Variants in NUMBL observed in about 807,000 individuals in gnomAD.
NUMBL encodes NUMB like endocytic adaptor protein.
Under a neutral mutation model 48.9 loss-of-function variants are expected in NUMBL, and 20 were observed. The ratio of observed to expected loss-of-function variants is 0.41; its 90% CI spans 0.29 to 0.59. The LOEUF is 0.59. Among genes scored for constraint, NUMBL ranks in the 20% least tolerant of loss-of-function variants. The probability of loss-of-function intolerance (pLI) is 0.31; values close to 1 mark genes in which losing one functional copy is unlikely to be tolerated. For missense variants in NUMBL, 660 were observed against 846.2 expected, an observed-to-expected ratio of 0.78 and a Z score of 2.73; for synonymous variants, 340 against 348.7, an observed-to-expected ratio of 0.98 and a Z score of 0.28.
intron 9 of NUMBL, among the ~76,000 whole-genome samples, chr19:40,669,634 G>T (rs368643291): frequency 6.9e-6 from 1 of 144,704 alleles, no homozygotes; most frequent in East Asian, 2.0e-4. Flanking sequence ...AGGTAATCCC[G>T]TGGCTCTAAG....
At chr19:40,685,510 T>C (rs533387093) in intron 2 of NUMBL, 1 of 154,024 alleles carries the variant, frequency 6.5e-6, no homozygotes, top group East Asian at 1.9e-4. Context: ...GTGGTTGTTG[T>C]CTGTGAGTCT....
In NUMBL at chr19:40,687,328, A is replaced by C. The variant is rs1353912252; in HGVS notation, c.25-333T>G. ...CCAACTCATATCTACAGGTGTCCCT[A>C]GCATCTGGCCACAGCTTTACACACT... is the stretch of plus-strand genomic sequence containing the variant. On this transcript the variant is annotated intron_variant, in intron 1 of 9. Coordinates refer to ENST00000252891, the MANE Select transcript of NUMBL (RefSeq NM_004756.5). The surrounding 1 kb of genome is among the most constrained non-coding windows in gnomAD (Gnocchi z 4.6). 6.6e-6 allele frequency among the ~76,000 whole-genome samples: 1 copy of C among 152,164 alleles called. No homozygotes were observed. The highest frequency in any genetic ancestry group is 1.5e-5 in the Non-Finnish European group (1 of 68,022).
In NUMBL at chr19:40,673,653, G is replaced by A. The variant is rs564403838; in HGVS notation, c.731-4C>T. ...GTGGGGGCAGCTGCTGCCTCTGCTGGAGACATGGGGGAGATGGATGGTTAG... is the reference window on the plus strand; with the variant it reads ...GTGGGGGCAGCTGCTGCCTCTGCTGAAGACATGGGGGAGATGGATGGTTAG... On this transcript the variant is annotated splice_polypyrimidine_tract_variant and splice_region_variant and intron_variant, in intron 7 of 9. Transcript: ENST00000252891. The surrounding 1 kb of genome is among the most constrained non-coding windows in gnomAD (Gnocchi z 5.9). The A allele has an allele frequency of 4.4e-4, 649 of 1,475,426 alleles. No individual in the cohort carries two copies. The highest frequency in any genetic ancestry group is 5.6e-4 in the Non-Finnish European group (621 of 1,109,806). The allele number at this position is 1,475,426 out of a possible 1,614,324, so 91.4% of individuals were successfully genotyped here. A position where few individuals can be genotyped will look rare whatever the true frequency, so the allele number is the denominator to read the frequency against.
intron 2 of NUMBL, 58 bp downstream of exon 2, chr19:40,686,853 G>A (rs2081937446): frequency 3.8e-6 from 4 of 1,048,218 alleles, no homozygotes; most frequent in South Asian, 2.7e-5. Flanking sequence ...TCCTCTGGTC[G>A]TGTTAGGCAA....
intron 9 of NUMBL, among the ~76,000 whole-genome samples, chr19:40,668,932 T>A (rs1011244506): frequency 6.6e-6 from 1 of 152,106 alleles, no homozygotes; most frequent in African/African-American, 2.4e-5. Flanking sequence ...GAGTTCTACA[T>A]TTACAGTGTT....
Position 40,677,173 on chromosome 19 carries a change from C to T in NUMBL, c.730+59G>A, listed in dbSNP as rs1599906987. 7.2e-6 allele frequency: 11 copies of T among 1,523,690 alleles called. No homozygotes were observed. In the East Asian group the frequency reaches 2.7e-4, roughly 37 times the overall value. The allele number at this position is 1,523,690 out of a possible 1,614,324, so 94.4% of individuals were successfully genotyped here. A position where few individuals can be genotyped will look rare whatever the true frequency, so the allele number is the denominator to read the frequency against. On this transcript the variant is annotated intron_variant, in intron 7 of 9. Coordinates refer to ENST00000252891, the MANE Select transcript of NUMBL (RefSeq NM_004756.5). ...CTGCACCTCTGCAGCTCCCTGCCCCCTGATACTGGGTACCCTGTGCCCACT... is the reference window on the plus strand; with the variant it reads ...CTGCACCTCTGCAGCTCCCTGCCCCTTGATACTGGGTACCCTGTGCCCACT...
rs1468730883 is a variant in NUMBL, at chr19:40,673,417, C to T, written c.963G>A (p.Arg321=). The T allele has an allele frequency of 6.2e-7, 1 of 1,613,490 alleles. No homozygotes were observed. Among genetic ancestry groups the T allele is most frequent in the South Asian group, 1.1e-5 (1 of 90,908 alleles). The stretch of plus-strand genomic sequence containing the variant: ...GCTCATTCAGCCGTAGGCTCAGCTG[C>T]CGTTTGAAAGGCGAGTTCTTCTGGC... ...ALSQKNSPFK[R]QLSLRLNELP... The change falls in exon 8 of 10, where the codon CGG becomes CGA. Residue 321 remains arginine (R), a synonymous_variant. Coordinates refer to ENST00000252891, the MANE Select transcript of NUMBL (RefSeq NM_004756.5). This position sits in a 1 kb window ranked among gnomAD's most constrained non-coding sequence, Gnocchi z 5.9.
At chr19:40,668,169 G>C (rs1599900301) in intron 9 of NUMBL, 31 bp from the exon 10 acceptor site, 1 of 1,550,980 alleles carries the variant, frequency 6.4e-7, no homozygotes, top group African/African-American at 1.4e-5. Context: ...GGTGAGGGAG[G>C]GGGCAACGGC....
At chr19:40,683,936 C>A (rs1387456978) in intron 3 of NUMBL, among the ~76,000 whole-genome samples, 3 of 151,834 alleles carry the variant, frequency 2.0e-5, no homozygotes, top group Non-Finnish European at 4.4e-5. Flanking sequence ...TGCCACTGTG[C>A]CTATTTTTTG....
intron 8 of NUMBL, among the ~76,000 whole-genome samples, 172 bp from the exon 9 acceptor site, chr19:40,670,192 A>G (rs780165390): frequency 6.6e-6 from 1 of 152,162 alleles, no homozygotes; most frequent in Non-Finnish European, 1.5e-5. Context: ...GTCACATCTG[A>G]GCGGCAGAAC....
intron 2 of NUMBL, among the ~76,000 whole-genome samples, chr19:40,686,452 C>A (rs1042514448): frequency 6.6e-6 from 1 of 152,134 alleles, no homozygotes; most frequent in African/African-American, 2.4e-5. Flanking sequence ...ATTGAGCCAC[C>A]ACGCCCGGCC....
chr19:40,684,771 G>C, intron 2 of NUMBL: 5 of 599,454 alleles, frequency 8.3e-6, no homozygotes, highest in Non-Finnish European at 1.4e-5. Flanking sequence ...TGCGAAAGTT[G>C]GGCACTGGGG....
In NUMBL at chr19:40,668,077, C is replaced by A. The variant is rs751187117; in HGVS notation, c.1221G>T (p.Lys407Asn). Residue 407 changes from lysine (K) to asparagine (N), a missense_variant, in exon 10 of 10, where the codon AAG (lysine) becomes AAT (asparagine). Coordinates refer to ENST00000252891, the MANE Select transcript of NUMBL (RefSeq NM_004756.5). Reference sequence around the variant, plus strand: ...ATCGCTCAGCCTCTGAAGGTGTCCGCTTGTGCCCAGGCTGGAAGGCAGCTG... The same window carrying A: ...ATCGCTCAGCCTCTGAAGGTGTCCGATTGTGCCCAGGCTGGAAGGCAGCTG... ...PPAAAFQPGHKRTPSEAERWL... is the reference protein window; with the variant it reads ...PPAAAFQPGHNRTPSEAERWL... 9 of 1,600,458 alleles carry A rather than the reference C, an allele frequency of 5.6e-6. No homozygotes were observed. In the South Asian group the frequency reaches 6.8e-5, roughly 12 times the overall value.
At chr19:40,684,881 T>G in intron 2 of NUMBL, 1 of 307,044 alleles carries the variant, frequency 3.3e-6, no homozygotes, top group Non-Finnish European at 6.1e-6. Flanking sequence ...TGGTGGATGC[T>G]TCCTCATTCC....
Position 40,683,167 on chromosome 19 carries a change from A to G in NUMBL, c.250-199T>C, listed in dbSNP as rs2081914421. ...CATGCAGATGGGGAAACTGAAGCAC[A>G]GCACGTAGTAGTGATTCCAGTCTAG... is the stretch of plus-strand genomic sequence containing the variant. On this transcript the variant is annotated intron_variant, in intron 3 of 9. Transcript: ENST00000252891. The G allele has an allele frequency of 1.3e-5, 8 of 628,044 alleles. No individual in the cohort carries two copies. In the Admixed American group the frequency reaches 1.7e-4, roughly 14 times the overall value. The allele number at this position is 628,044 out of a possible 1,614,324, so 38.9% of individuals were successfully genotyped here.
In NUMBL at chr19:40,687,404, C is replaced by T. The variant is rs2081940553; in HGVS notation, c.25-409G>A. On this transcript the variant is annotated intron_variant, in intron 1 of 9. Coordinates refer to ENST00000252891, the MANE Select transcript of NUMBL (RefSeq NM_004756.5). The surrounding 1 kb of genome is among the most constrained non-coding windows in gnomAD (Gnocchi z 4.6). Reference sequence around the variant, plus strand: ...CTACACACCTCAGATCGCAGATACACAGAAACAGTCCCAAACCCAGAAAGC... The same window carrying T: ...CTACACACCTCAGATCGCAGATACATAGAAACAGTCCCAAACCCAGAAAGC... 6.6e-6 allele frequency among the ~76,000 whole-genome samples: 1 copy of T among 152,214 alleles called. No homozygotes were observed. Among genetic ancestry groups the T allele is most frequent in the South Asian group, 2.1e-4 (1 of 4,838 alleles).
At chr19:40,668,419 C>T (rs2081828549) in intron 9 of NUMBL, among the ~76,000 whole-genome samples, 2 of 152,168 alleles carry the variant, frequency 1.3e-5, no homozygotes, top group South Asian at 4.1e-4. Context: ...CTCCTAGCCC[C>T]ACTACCCTTC....
intron 8 of NUMBL, among the ~76,000 whole-genome samples, chr19:40,670,688 C>T (rs184098704): frequency 6.6e-6 from 1 of 152,320 alleles, no homozygotes; most frequent in Non-Finnish European, 1.5e-5. Flanking sequence ...TCAGAACTGG[C>T]CGTAGGAGTC....
At position 40,667,500 on chromosome 19, in the gene NUMBL, C is replaced by T. The variant is rs766298632; in HGVS notation, c.1798G>A (p.Asp600Asn). Residue 600 changes from aspartate to asparagine, a missense_variant, in exon 10 of 10, where the codon GAC (aspartate) becomes AAC (asparagine). Physicochemically the swap from Asp to Asn is conservative, Grantham distance 23. Transcript: ENST00000252891. The surrounding 1 kb of genome is among the most constrained non-coding windows in gnomAD (Gnocchi z 6.1). ...VEKPSNPFSG[D>N]LQKTFEIEL Reference sequence around the variant, plus strand: ...TCAATCTCGAATGTCTTTTGCAGGTCGCCAGAAAAGGGGTTGGAGGGTTTC... The same window carrying T: ...TCAATCTCGAATGTCTTTTGCAGGTTGCCAGAAAAGGGGTTGGAGGGTTTC... 9.8e-5 allele frequency: 156 copies of T among 1,597,828 alleles called. No homozygotes were observed. Among genetic ancestry groups the T allele is most frequent in the Middle Eastern group, 1.7e-4 (1 of 6,024 alleles).
Sources: gnomAD v4.1 joint callset for allele counts (sites outside exome capture counted in the v4.1 genomes callset) on GRCh38, gnomAD v4.1.1 for gene constraint, Gnocchi (gnomAD v3.1) non-coding constraint, MANE v1.5 for transcripts, NCBI Gene and HGNC (gene_info 2026-07-23, HGNC 2026-07-21) for gene names.